FUT9: variants seen among roughly 807,000 people sequenced by gnomAD.
FUT9 encodes fucosyltransferase 9.
A neutral mutation model predicts 29.7 loss-of-function variants in FUT9; 15 were observed. The ratio of observed to expected loss-of-function variants is 0.51; its 90% CI spans 0.34 to 0.78. The LOEUF (loss-of-function observed/expected upper bound fraction) is 0.78, where lower values mean the gene tolerates loss of function less well. FUT9 is among the 30% of genes least tolerant of loss of function. FUT9 has a pLI of 0.01. For missense variants in FUT9, 319 were observed against 425.4 expected (o/e 0.75, Z 2.20); for synonymous variants, 169 against 153.7 (o/e 1.10, Z -0.74).
chr6:96,148,255 G>A (rs1772610038), intron 2 of FUT9, among the ~76,000 whole-genome samples: 1 of 152,112 alleles, frequency 6.6e-6, no homozygotes, highest in Non-Finnish European at 1.5e-5. Flanking sequence ...AGCACTCAGG[G>A]TCTCAGATTC....
At chr6:96,168,182 T>G (rs1773048372) in intron 2 of FUT9, among the ~76,000 whole-genome samples, 1 of 152,206 alleles carries the variant, frequency 6.6e-6, no homozygotes, top group African/African-American at 2.4e-5. Flanking sequence ...GAGCTTTATT[T>G]GATGATTTTT....
chr6:96,102,812 G>GA (rs1351260189), intron 1 of FUT9, among the ~76,000 whole-genome samples: 1 of 152,126 alleles, frequency 6.6e-6, no homozygotes, highest in Admixed American at 6.5e-5. Context: ...TACCAAATTT[G>GA]AAAAGAAAAC....
chr6:96,032,664 T>C (rs933808364), intron 1 of FUT9, among the ~76,000 whole-genome samples: 3 of 151,550 alleles, frequency 2.0e-5, no homozygotes, highest in African/African-American at 7.3e-5. Flanking sequence ...CTATTGTCTT[T>C]ACGTGAAAGT....
intron 2 of FUT9, among the ~76,000 whole-genome samples, chr6:96,196,478 T>C (rs887864104): frequency 2.4e-4 from 36 of 151,744 alleles, no homozygotes; most frequent in African/African-American, 8.7e-4. Context: ...CTTTGGGAGG[T>C]TGAGGCGGGC....
intron 2 of FUT9, among the ~76,000 whole-genome samples, chr6:96,141,640 G>C (rs1201691738): frequency 6.6e-6 from 1 of 152,184 alleles, no homozygotes. Flanking sequence ...TTTGTGTAAT[G>C]AGCTAGAACA....
Position 96,209,626 on chromosome 6 carries a change from A to T in FUT9, c.*5391A>T, listed in dbSNP as rs1773896984. 1 of 166,938 alleles carries T rather than the reference A, an allele frequency of 6.0e-6. No individual in the cohort carries two copies. The highest frequency in any genetic ancestry group is 1.5e-5 in the Non-Finnish European group (1 of 68,052). 10.3% of individuals were successfully genotyped at this position (166,938 alleles called of 1,614,324 possible). A position where few individuals can be genotyped will look rare whatever the true frequency, so the allele number is the denominator to read the frequency against. ...AATCCCAGGCTAACAATAAAATAGC[A>T]TAATTTTAAGTAAGCTAGATTGAGT... On this transcript the variant is annotated 3_prime_UTR_variant, in exon 3 of 3. Coordinates refer to ENST00000302103, the MANE Select transcript of FUT9 (RefSeq NM_006581.4).
chr6:96,166,855 A>G (rs1044150139), intron 2 of FUT9, among the ~76,000 whole-genome samples: 2 of 152,196 alleles, frequency 1.3e-5, no homozygotes, highest in Non-Finnish European at 2.9e-5. Flanking sequence ...TCATCTTTAG[A>G]TTACTTATCA....
intron 1 of FUT9, among the ~76,000 whole-genome samples, chr6:96,109,297 C>T (rs1771752972): frequency 6.6e-6 from 1 of 152,054 alleles, no homozygotes; most frequent in African/African-American, 2.4e-5. Flanking sequence ...AATAATGCTC[C>T]ATTTGGTCAT....
chr6:96,151,238 T>C (rs534124513), intron 2 of FUT9, among the ~76,000 whole-genome samples: 1 of 152,176 alleles, frequency 6.6e-6, no homozygotes, highest in Non-Finnish European at 1.5e-5. Context: ...TAGTGGGTTA[T>C]CTTTAGGGTA....
chr6:96,168,479 T>C (rs750684371), intron 2 of FUT9, among the ~76,000 whole-genome samples: 1 of 152,012 alleles, frequency 6.6e-6, no homozygotes, highest in Non-Finnish European at 1.5e-5. Context: ...GCAGAAAGTA[T>C]ATGAAGGACA....
intron 1 of FUT9, among the ~76,000 whole-genome samples, chr6:96,058,366 G>T (rs1183056791): frequency 6.6e-6 from 1 of 150,508 alleles, no homozygotes; most frequent in African/African-American, 2.5e-5. Flanking sequence ...AACCCTCACT[G>T]TTGGGGAAGT....
rs554941881 is a variant in FUT9, at chr6:96,204,912, A to G, written c.*677A>G. The G allele has an allele frequency of 1.2e-5, 2 of 163,224 alleles. No homozygotes were observed. Among genetic ancestry groups the G allele is most frequent in the South Asian group, 4.1e-4 (2 of 4,828 alleles). The allele number at this position is 163,224 out of a possible 1,614,324, so 10.1% of individuals were successfully genotyped here. A position where few individuals can be genotyped will look rare whatever the true frequency, so the allele number is the denominator to read the frequency against. On this transcript the variant is annotated 3_prime_UTR_variant, in exon 3 of 3. Coordinates refer to ENST00000302103, the MANE Select transcript of FUT9 (RefSeq NM_006581.4). Reference sequence around the variant, plus strand: ...TCATGGTCTTAAATTAAATTATTCAAGTATTTTTAAATATCCAATTTGTTG... The same window carrying G: ...TCATGGTCTTAAATTAAATTATTCAGGTATTTTTAAATATCCAATTTGTTG...
At position 96,200,571 on chromosome 6, in the gene FUT9, G is replaced by A. The variant is rs973282701; in HGVS notation, c.-8-2577G>A. ...AAGGGTGAGCATTTATTAAATGGTGGCTATTTCATTTATAACCTGATTATA... is the reference window on the plus strand; with the variant it reads ...AAGGGTGAGCATTTATTAAATGGTGACTATTTCATTTATAACCTGATTATA... On this transcript the variant is annotated intron_variant, in intron 2 of 2. Coordinates refer to ENST00000302103, the MANE Select transcript of FUT9 (RefSeq NM_006581.4). 2.6e-5 allele frequency among the ~76,000 whole-genome samples: 4 copies of A among 152,192 alleles called. No individual in the cohort carries two copies. The South Asian group carries it at 8.3e-4, about 32-fold the overall frequency.
chr6:96,058,655 A>C (rs1297566794), intron 1 of FUT9, among the ~76,000 whole-genome samples: 2 of 152,138 alleles, frequency 1.3e-5, no homozygotes, highest in Non-Finnish European at 2.9e-5. Context: ...TAAATGTTTA[A>C]CGCAGCGGGA....
intron 2 of FUT9, among the ~76,000 whole-genome samples, chr6:96,166,396 A>C (rs1773016757): frequency 6.6e-6 from 1 of 152,150 alleles, no homozygotes; most frequent in Non-Finnish European, 1.5e-5. Context: ...TTTTCTTAAT[A>C]ATGTTATATA....
chr6:96,131,927 C>A (rs1162390050), intron 2 of FUT9, among the ~76,000 whole-genome samples: 1 of 152,002 alleles, frequency 6.6e-6, no homozygotes, highest in Non-Finnish European at 1.5e-5. Flanking sequence ...AGTTATTTTT[C>A]CTATCATCAC....
At chr6:96,193,313 G>A in intron 2 of FUT9, among the ~76,000 whole-genome samples, 1 of 136,918 alleles carries the variant, frequency 7.3e-6, no homozygotes, top group East Asian at 2.2e-4. Flanking sequence ...TCTGACAAAG[G>A]GCTAATATCC....
chr6:96,037,828 A>T (rs1400653220), intron 1 of FUT9, among the ~76,000 whole-genome samples: 1 of 152,148 alleles, frequency 6.6e-6, no homozygotes, highest in African/African-American at 2.4e-5. Context: ...TTCTTAAAAT[A>T]ATTACTGCAG....
intron 2 of FUT9, among the ~76,000 whole-genome samples, chr6:96,125,604 A>T (rs1356169053): frequency 6.6e-6 from 1 of 152,202 alleles, no homozygotes; most frequent in African/African-American, 2.4e-5. Context: ...CAGCTCGGCA[A>T]GATGAAGTCG....
Sources: allele counts gnomAD v4.1 joint callset (sites outside exome capture counted in the v4.1 genomes callset), GRCh38; gene constraint gnomAD v4.1.1; transcripts MANE v1.5; gene names NCBI Gene and HGNC (gene_info 2026-07-23, HGNC 2026-07-21).